Variants in SKAP1 observed in about 807,000 individuals in gnomAD.
SKAP1 encodes the protein src kinase associated phosphoprotein 1.
SKAP1 carries 44 observed loss-of-function variants against 58.5 expected under a neutral mutation model. That is an observed-to-expected ratio of 0.75 (90% CI 0.59 to 0.97). The LOEUF (loss-of-function observed/expected upper bound fraction) is 0.97, where lower values mean the gene tolerates loss of function less well. Among genes scored for constraint, SKAP1 ranks in the 50% least tolerant of loss-of-function variants. The pLI, the probability that SKAP1 is intolerant of heterozygous loss-of-function variation, is 0.00. For missense variants in SKAP1, 390 were observed against 435.2 expected, an observed-to-expected ratio of 0.90 and a Z score of 0.92; for synonymous variants, 127 against 149.7, an observed-to-expected ratio of 0.85 and a Z score of 1.11.
intron 1 of SKAP1, among the ~76,000 whole-genome samples, chr17:48,404,689 A>G: frequency 6.6e-6 from 1 of 152,234 alleles, no homozygotes; most frequent in South Asian, 2.1e-4. Context: ...AATATTCAAT[A>G]TAATAAAATA....
At chr17:48,429,959 A>T in intron 1 of SKAP1, 116 bp downstream of exon 1, 1 of 870,250 alleles carries the variant, frequency 1.1e-6, no homozygotes, top group Non-Finnish European at 1.6e-6. Context: ...TAGAAGCCTT[A>T]AGGTTCTAGA....
chr17:48,377,745 G>C (rs1210311974), intron 2 of SKAP1, among the ~76,000 whole-genome samples: 1 of 152,138 alleles, frequency 6.6e-6, no homozygotes, highest in Non-Finnish European at 1.5e-5. Context: ...GAAAAGACAA[G>C]AGAATCAGAG....
chr17:48,405,450 T>TTTCTTTCTTTCTTTCTTTCTTTTC (rs1441641292), intron 1 of SKAP1, among the ~76,000 whole-genome samples: 1 of 94,006 alleles, frequency 1.1e-5, no homozygotes, highest in Non-Finnish European at 2.2e-5. Context: ...TCTTTCTTTC[T>TTTCTTTCTTTCTTTCTTTCTTTTC]TTTCTTTCTT....
At chr17:48,286,335 C>A (rs1414509726) in intron 4 of SKAP1, among the ~76,000 whole-genome samples, 1 of 152,120 alleles carries the variant, frequency 6.6e-6, no homozygotes, top group East Asian at 1.9e-4. Flanking sequence ...ATTTTTATAA[C>A]CTTCAGTGAG....
At chr17:48,191,744 T>G (rs1653777057) in intron 4 of SKAP1, among the ~76,000 whole-genome samples, 1 of 152,226 alleles carries the variant, frequency 6.6e-6, no homozygotes. Context: ...CAATTGGTCC[T>G]TATTGTTAAC....
At chr17:48,313,553 T>G (rs1466146767) in intron 4 of SKAP1, among the ~76,000 whole-genome samples, 1 of 152,188 alleles carries the variant, frequency 6.6e-6, no homozygotes, top group Non-Finnish European at 1.5e-5. Context: ...CAATGCATTA[T>G]GCACTACATG....
At chr17:48,255,962 A>T (rs1264336526) in intron 4 of SKAP1, among the ~76,000 whole-genome samples, 2 of 152,096 alleles carry the variant, frequency 1.3e-5, no homozygotes, top group Non-Finnish European at 2.9e-5. Context: ...TCTGCTTAAC[A>T]CTCTGGCTAT....
intron 11 of SKAP1, among the ~76,000 whole-genome samples, chr17:48,144,827 G>GA (rs773123267): frequency 1.3e-5 from 2 of 152,142 alleles, no homozygotes; most frequent in Admixed American, 6.5e-5. Flanking sequence ...GGAAAGATTG[G>GA]AAAAATGCTG....
chr17:48,343,405 T>C (rs573863378), intron 4 of SKAP1, among the ~76,000 whole-genome samples: 21 of 152,336 alleles, frequency 1.4e-4, no homozygotes, highest in Non-Finnish European at 2.9e-4. Context: ...GTGCCTGTTA[T>C]GTATTAGGCA....
chr17:48,355,159 G>A (rs537851307), intron 3 of SKAP1, among the ~76,000 whole-genome samples: 89 of 152,250 alleles, frequency 5.8e-4, no homozygotes, highest in Non-Finnish European at 1.1e-3. Context: ...TGACATCTAT[G>A]TGAAGACGAA....
At chr17:48,179,951 G>A in intron 9 of SKAP1, 103 bp downstream of exon 9, 1 of 1,047,786 alleles carries the variant, frequency 9.5e-7, no homozygotes, top group Admixed American at 2.4e-5. Flanking sequence ...AGAGGATGAG[G>A]GTTAGATTTG....
intron 4 of SKAP1, among the ~76,000 whole-genome samples, chr17:48,284,766 G>C (rs2065809583): frequency 6.6e-6 from 1 of 152,176 alleles, no homozygotes. Context: ...CCAGACTTTA[G>C]CCAAGTCTGG....
At chr17:48,402,481 C>G (rs2067511724) in intron 1 of SKAP1, among the ~76,000 whole-genome samples, 1 of 152,122 alleles carries the variant, frequency 6.6e-6, no homozygotes, top group Non-Finnish European at 1.5e-5. Flanking sequence ...AGGTGCATGC[C>G]ACCATGCTGG....
intron 4 of SKAP1, among the ~76,000 whole-genome samples, chr17:48,249,828 G>C (rs1300960516): frequency 6.6e-6 from 1 of 152,020 alleles, no homozygotes; most frequent in Non-Finnish European, 1.5e-5. Flanking sequence ...TGCCTATCTG[G>C]GAGGGCACAG....
intron 4 of SKAP1, among the ~76,000 whole-genome samples, chr17:48,317,772 A>G (rs1338426175): frequency 2.0e-5 from 3 of 152,196 alleles, no homozygotes; most frequent in Non-Finnish European, 2.9e-5. Context: ...ATGCTTATCA[A>G]TGGCTGAAAC....
At chr17:48,371,836 C>CA (rs1440793501) in intron 2 of SKAP1, among the ~76,000 whole-genome samples, 5,024 of 119,176 alleles carry the variant, frequency 0.042, 320 homozygotes, top group African/African-American at 0.14. Flanking sequence ...GACCCTGTCT[C>CA]AAAAAAAAAA....
chr17:48,325,483 T>C (rs1262537791), intron 4 of SKAP1, among the ~76,000 whole-genome samples: 1 of 152,158 alleles, frequency 6.6e-6, no homozygotes. Flanking sequence ...AGGGTCATGT[T>C]TTATTCACTG....
intron 9 of SKAP1, among the ~76,000 whole-genome samples, chr17:48,176,364 A>G (rs1485495103): frequency 6.6e-6 from 1 of 152,220 alleles, no homozygotes; most frequent in East Asian, 1.9e-4. Context: ...GAGACCTCAG[A>G]CAAAGCGAAA....
chr17:48,254,192 AAAAAT>A (rs2065398110), intron 4 of SKAP1, among the ~76,000 whole-genome samples: 1 of 152,170 alleles, frequency 6.6e-6, no homozygotes, highest in African/African-American at 2.4e-5. Flanking sequence ...ACTCGGCTAT[AAAAAT>A]AACACTAGGA....
Sources: gnomAD v4.1 joint callset for allele counts (sites outside exome capture counted in the v4.1 genomes callset) on GRCh38, gnomAD v4.1.1 for gene constraint, MANE v1.5 for transcripts, NCBI Gene and HGNC (gene_info 2026-07-23, HGNC 2026-07-21) for gene names.